The following DCAF6 variants were observed in gnomAD, a reference collection of about 807,000 sequenced individuals.
The protein encoded by DCAF6 is DDB1 and CUL4 associated factor 6.
Under a neutral mutation model 125.1 loss-of-function variants are expected in DCAF6, and 54 were observed. The ratio of observed to expected loss-of-function variants is 0.43; its 90% CI spans 0.35 to 0.54. The LOEUF (loss-of-function observed/expected upper bound fraction) is 0.54, where lower values mean the gene tolerates loss of function less well. Among genes scored for constraint, DCAF6 ranks in the 20% least tolerant of loss-of-function variants. The pLI is 0.01. For synonymous variants in DCAF6, 371 were observed against 390.4 expected, an observed-to-expected ratio of 0.95 and a Z score of 0.58; for missense variants, 934 against 1,161.7, an observed-to-expected ratio of 0.80 and a Z score of 2.85.
the DCAF6 span, chr1:167,902,143 G>T: frequency 7.8e-7 from 1 of 1,275,224 alleles, no homozygotes; most frequent in Admixed American, 1.7e-5. Context: ...TAGAAACTAG[G>T]TCAAAAGAAC....
chr1:167,973,116 G>C (rs540267179), intron 3 of DCAF6, among the ~76,000 whole-genome samples: 1 of 152,140 alleles, frequency 6.6e-6, no homozygotes, highest in African/African-American at 2.4e-5. Flanking sequence ...CTCTGACAGC[G>C]TTAAAGAACA....
chr1:167,892,657 TA>T, the DCAF6 span, among the ~76,000 whole-genome samples: 1 of 152,128 alleles, frequency 6.6e-6, no homozygotes. Context: ...ATGCAGGCAC[TA>T]GGGGTAATGT....
chr1:167,891,976 CTT>C, the DCAF6 span, among the ~76,000 whole-genome samples: 31 of 139,894 alleles, frequency 2.2e-4, no homozygotes, highest in Admixed American at 2.1e-4. Flanking sequence ...TTTTTCTTTT[CTT>C]TTTTTTTTTT....
At chr1:168,052,974 C>T (rs410215) in intron 17 of DCAF6, among the ~76,000 whole-genome samples, 103 of 152,286 alleles carry the variant, frequency 6.8e-4, no homozygotes, top group African/African-American at 2.3e-3. Flanking sequence ...ATGCTGTCTA[C>T]ATTGCCATAC....
intron 4 of DCAF6, among the ~76,000 whole-genome samples, chr1:167,975,314 A>G (rs1028953747): frequency 1.3e-5 from 2 of 152,170 alleles, no homozygotes; most frequent in Non-Finnish European, 2.9e-5. Flanking sequence ...TACCTCTGTT[A>G]TTGTGCTGCA....
At chr1:168,043,277 TGATA>T (rs1688778706) in intron 14 of DCAF6, 137 bp downstream of exon 14, 4 of 658,682 alleles carry the variant, frequency 6.1e-6, no homozygotes, top group African/African-American at 1.8e-5. Context: ...GCTGTTAAAC[TGATA>T]GATAGCAAAT....
the DCAF6 span, chr1:167,896,583 G>A: frequency 3.1e-6 from 5 of 1,595,602 alleles, no homozygotes; most frequent in Non-Finnish European, 3.4e-6. Flanking sequence ...TTTTTCCATG[G>A]TGGGTACTTA....
intron 12 of DCAF6, among the ~76,000 whole-genome samples, chr1:168,029,991 AAAG>A (rs1686855479): frequency 1.3e-5 from 2 of 151,952 alleles, no homozygotes; most frequent in Admixed American, 6.6e-5. Flanking sequence ...AAAAAAAAAA[AAAG>A]AAAAGAAACA....
upstream of DCAF6, among the ~76,000 whole-genome samples, chr1:167,933,024 T>C (rs181859186): frequency 7.4e-4 from 113 of 152,166 alleles, no homozygotes; most frequent in Admixed American, 1.9e-3. Context: ...TGGCTAGAAC[T>C]CTATTCCTTC....
chr1:167,945,238 G>GT (rs1414484136), intron 1 of DCAF6, among the ~76,000 whole-genome samples: 1 of 152,078 alleles, frequency 6.6e-6, no homozygotes, highest in African/African-American at 2.4e-5. Context: ...TTTTAGGATT[G>GT]TTTTTTCTAA....
At chr1:167,874,900 A>G in the DCAF6 span, among the ~76,000 whole-genome samples, 1 of 152,222 alleles carries the variant, frequency 6.6e-6, no homozygotes, top group African/African-American at 2.4e-5. Context: ...TTCCATCTGT[A>G]TCAATTTTTT....
chr1:167,910,068 T>C, the DCAF6 span, among the ~76,000 whole-genome samples: 1 of 152,162 alleles, frequency 6.6e-6, no homozygotes, highest in Non-Finnish European at 1.5e-5. Context: ...CAGGAACTGT[T>C]TCTTTGGGGA....
the DCAF6 span, chr1:167,875,218 A>G: frequency 1.9e-6 from 3 of 1,607,016 alleles, no homozygotes; most frequent in Non-Finnish European, 2.6e-6. Context: ...CAGATGCTAG[A>G]TTCAAAACAG....
intron 10 of DCAF6, among the ~76,000 whole-genome samples, chr1:168,013,237 T>A (rs1684540535): frequency 6.6e-6 from 1 of 152,198 alleles, no homozygotes; most frequent in South Asian, 2.1e-4. Context: ...ACTGGATCAT[T>A]TTCTAGGAAG....
At chr1:167,987,383 C>A (rs1680156633) in intron 4 of DCAF6, 112 bp from the exon 5 acceptor site, 1 of 574,974 alleles carries the variant, frequency 1.7e-6, no homozygotes, top group Non-Finnish European at 3.1e-6. Context: ...AACTAAAATG[C>A]ATGGTTTTTG....
At chr1:167,899,621 A>T in the DCAF6 span, 1 of 1,613,962 alleles carries the variant, frequency 6.2e-7, no homozygotes, top group Non-Finnish European at 8.5e-7. Flanking sequence ...TGTGGCCAGC[A>T]GCCAGTCCTG....
At chr1:168,038,601 T>G in intron 13 of DCAF6, 113 bp downstream of exon 13, 1 of 713,104 alleles carries the variant, frequency 1.4e-6, no homozygotes, top group South Asian at 2.0e-5. Flanking sequence ...GGTATTGGTT[T>G]TCAAACTTGA....
chr1:168,045,162 A>G lies in DCAF6; in HGVS notation c.2193A>G (p.Thr731=), dbSNP rs375376046. Residue 731 remains threonine (T), a synonymous_variant, in exon 16 of 22, where the codon ACA becomes ACG. Coordinates refer to ENST00000367840, the MANE Select transcript of DCAF6 (RefSeq NM_001198956.2). ...CCAGGGACTCTGCTCTTCAGGACAC[A>G]GATGACAGTGATGATGACCCAGTCC... The part of the protein sequence containing the change: ...TSTRDSALQD[T]DDSDDDPVLI... 6.2e-7 allele frequency: 1 copy of G among 1,614,006 alleles called. No homozygotes were observed. Among genetic ancestry groups the G allele is most frequent in the East Asian group, 2.2e-5 (1 of 44,890 alleles).
At chr1:167,972,063 G>T (rs1019301742) in intron 3 of DCAF6, among the ~76,000 whole-genome samples, 1 of 152,016 alleles carries the variant, frequency 6.6e-6, no homozygotes, top group Admixed American at 6.6e-5. Context: ...GCCATGTTGG[G>T]CAGGCTGGTC....
Sources: gnomAD v4.1 joint callset for allele counts (sites outside exome capture counted in the v4.1 genomes callset) on GRCh38, gnomAD v4.1.1 for gene constraint, MANE v1.5 for transcripts, NCBI Gene and HGNC (gene_info 2026-07-23, HGNC 2026-07-21) for gene names.